HM13: variants seen among roughly 807,000 people sequenced by gnomAD.
HM13 encodes histocompatibility minor 13, also known as signal peptide peptidase.
A neutral mutation model predicts 50.0 loss-of-function variants in HM13; 18 were observed. The observed-to-expected ratio is 0.36, with a 90% CI of 0.25 to 0.53. The LOEUF (loss-of-function observed/expected upper bound fraction) is 0.53. Among genes scored for constraint, HM13 ranks in the 20% least tolerant of loss-of-function variants. The pLI, the probability that HM13 is intolerant of heterozygous loss-of-function variation, is 0.90. For synonymous variants in HM13, 197 were observed against 232.6 expected, an observed-to-expected ratio of 0.85 and a Z score of 1.39; for missense variants, 393 against 552.4, an observed-to-expected ratio of 0.71 and a Z score of 2.89.
At chr20:31,566,316 G>C (rs377066961) in intron 11 of HM13, 21 bp downstream of exon 11, 1 of 1,597,382 alleles carries the variant, frequency 6.3e-7, no homozygotes, top group Non-Finnish European at 8.6e-7. Flanking sequence ...GTGGGGGGCA[G>C]ATGTCCTCAT....
rs1352776991 is a variant in HM13, at chr20:31,556,116, C to T, written c.808+1287C>T. 2.7e-5 allele frequency among the ~76,000 whole-genome samples: 4 copies of T among 150,882 alleles called. No individual in the cohort carries two copies. The East Asian group carries it at 7.8e-4, about 29-fold the overall frequency. On this transcript the variant is annotated intron_variant, in intron 8 of 12. Coordinates refer to ENST00000398174, the MANE Select transcript of HM13 (RefSeq NM_178581.3). ...ACGCGATCTCGGCTCACTGCAACCT[C>T]TGCCTCCCTGGTTCAAGCGATTCTC... is the stretch of plus-strand genomic sequence containing the variant.
At chr20:31,544,760 C>G (rs1347849870) in intron 3 of HM13, among the ~76,000 whole-genome samples, 187 bp from the exon 4 acceptor site, 1 of 152,142 alleles carries the variant, frequency 6.6e-6, no homozygotes, top group Non-Finnish European at 1.5e-5. Flanking sequence ...ATATAGGACC[C>G]CTGTGTGACT....
chr20:31,566,830 T>C (rs1984945993), intron 11 of HM13, among the ~76,000 whole-genome samples: 1 of 151,786 alleles, frequency 6.6e-6, no homozygotes, highest in Non-Finnish European at 1.5e-5. Flanking sequence ...CCCAGGGCCA[T>C]ATCCACACCT....
Position 31,549,127 on chromosome 20 carries a change from G to T in HM13, c.540+13G>T. ...CCTGCTGAGGAAGGTGAGTAGTCAG[G>T]ACCTGGGCAGAAGGGGAGGATGGGG... On this transcript the variant is annotated intron_variant, in intron 5 of 12. Transcript: ENST00000398174. 5 of 1,613,910 alleles carry T rather than the reference G, an allele frequency of 3.1e-6. No homozygotes were observed. The highest frequency in any genetic ancestry group is 4.2e-6 in the Non-Finnish European group (5 of 1,179,798).
At chr20:31,523,236 A>C (rs996076985) in intron 1 of HM13, among the ~76,000 whole-genome samples, 1 of 150,872 alleles carries the variant, frequency 6.6e-6, no homozygotes, top group Non-Finnish European at 1.5e-5. Context: ...TTTTTAGTAG[A>C]GACGGGGTTT....
At chr20:31,561,562 C>T in intron 9 of HM13, 72 bp from the exon 10 acceptor site, 1 of 1,063,256 alleles carries the variant, frequency 9.4e-7, no homozygotes, top group Middle Eastern at 2.0e-4. Context: ...TCCCCAGCTC[C>T]CTCAGAAGGG....
At chr20:31,527,628 A>G in intron 2 of HM13, 46 bp downstream of exon 2, 1 of 1,313,292 alleles carries the variant, frequency 7.6e-7, no homozygotes, top group Non-Finnish European at 1.1e-6. Flanking sequence ...AAATGACTTT[A>G]TCTTATTTTG....
At chr20:31,568,501 T>C (rs1985064924) in intron 12 of HM13, among the ~76,000 whole-genome samples, 1 of 152,234 alleles carries the variant, frequency 6.6e-6, no homozygotes, top group South Asian at 2.1e-4. Flanking sequence ...CTGTTACCAT[T>C]CAAGGTATAT....
rs1337599897 is a variant in HM13, at chr20:31,514,474, C to G, written c.-78C>G. The G allele has an allele frequency of 3.4e-6, 5 of 1,484,566 alleles. No individual in the cohort carries two copies. Among genetic ancestry groups the G allele is most frequent in the Non-Finnish European group, 3.6e-6 (4 of 1,096,106 alleles). The allele number at this position is 1,484,566 out of a possible 1,614,324, so 92.0% of individuals were successfully genotyped here. A position where few individuals can be genotyped will look rare whatever the true frequency, so the allele number is the denominator to read the frequency against. Reference sequence around the variant, plus strand: ...GTTGCCTTAGGGGAACGTGGCTTTCCCTGCAGAGCCGGTGTCTCCGCCTGC... The same window carrying G: ...GTTGCCTTAGGGGAACGTGGCTTTCGCTGCAGAGCCGGTGTCTCCGCCTGC... On this transcript the variant is annotated 5_prime_UTR_variant, in exon 1 of 13. Transcript: ENST00000398174. The surrounding 1 kb of genome is among the most constrained non-coding windows in gnomAD (Gnocchi z 4.3).
intron 4 of HM13, chr20:31,547,232 C>G (rs553354639): frequency 5.3e-6 from 1 of 190,376 alleles, no homozygotes; most frequent in Non-Finnish European, 1.1e-5. Context: ...GCTTGTCAAG[C>G]CCTACTGTTT....
chr20:31,564,891 C>T (rs984115057), intron 10 of HM13, among the ~76,000 whole-genome samples: 1 of 150,892 alleles, frequency 6.6e-6, no homozygotes, highest in Non-Finnish European at 1.5e-5. Context: ...CTCGGCCAGG[C>T]GCGGTGTCTC....
intron 8 of HM13, among the ~76,000 whole-genome samples, chr20:31,559,207 TCA>T (rs1263470245): frequency 6.6e-6 from 1 of 152,204 alleles, no homozygotes; most frequent in East Asian, 1.9e-4. Context: ...AGTCACAATC[TCA>T]CAATGATTTC....
chr20:31,566,826 G>T (rs529868257), intron 11 of HM13, among the ~76,000 whole-genome samples: 1 of 151,864 alleles, frequency 6.6e-6, no homozygotes, highest in African/African-American at 2.4e-5. Flanking sequence ...CTTCCCCAGG[G>T]CCATATCCAC....
rs759309678 is a variant in HM13 at position 31,566,174 on chromosome 20, C to G, written c.949-36C>G. On this transcript the variant is annotated intron_variant, in intron 10 of 12. Coordinates refer to ENST00000398174, the MANE Select transcript of HM13 (RefSeq NM_178581.3). ...GGCACGGCCCTGAGGCAGTGCCGTGCCCAGCATGGCTTCACCAGCCTGTGT... is the reference window on the plus strand; with the variant it reads ...GGCACGGCCCTGAGGCAGTGCCGTGGCCAGCATGGCTTCACCAGCCTGTGT... 7.0e-6 allele frequency: 11 copies of G among 1,566,396 alleles called. No homozygotes were observed. In the East Asian group the frequency reaches 2.5e-4, roughly 35 times the overall value.
intron 2 of HM13, among the ~76,000 whole-genome samples, chr20:31,529,953 G>A (rs181748793): frequency 3.5e-4 from 53 of 151,832 alleles, no homozygotes; most frequent in Non-Finnish European, 5.3e-4. Flanking sequence ...GCGACACAGC[G>A]AGACTCTGTC....
chr20:31,548,895 C>A, intron 4 of HM13, 134 bp from the exon 5 acceptor site: 1 of 777,244 alleles, frequency 1.3e-6, no homozygotes, highest in Non-Finnish European at 2.2e-6. Context: ...TAATCTGGGG[C>A]AGCCAAGGCT....
In HM13 at chr20:31,559,915, G is replaced by A. The variant is rs1984516566; in HGVS notation, c.845+268G>A. 2.0e-5 allele frequency among the ~76,000 whole-genome samples: 3 copies of A among 152,218 alleles called. No homozygotes were observed. In the South Asian group the frequency reaches 6.2e-4, roughly 31 times the overall value. Reference sequence around the variant, plus strand: ...CAGTGCTTTCTCACTGTGTGACCTTGACAAGTGGCCTGACCTTCCTGAGCC... The same window carrying A: ...CAGTGCTTTCTCACTGTGTGACCTTAACAAGTGGCCTGACCTTCCTGAGCC... On this transcript the variant is annotated intron_variant, in intron 9 of 12. Transcript: ENST00000398174.
chr20:31,519,549 T>C, intron 1 of HM13, among the ~76,000 whole-genome samples: 1 of 152,190 alleles, frequency 6.6e-6, no homozygotes. Context: ...TTCTCTAGTA[T>C]CTGGTCCCTG....
intron 4 of HM13, among the ~76,000 whole-genome samples, chr20:31,547,216 T>C (rs886775160): frequency 7.2e-5 from 11 of 152,236 alleles, no homozygotes; most frequent in South Asian, 2.1e-4. Context: ...ATTCGTATCA[T>C]TTCTAGCTTG....
Sources: allele counts gnomAD v4.1 joint callset (sites outside exome capture counted in the v4.1 genomes callset), GRCh38; gene constraint gnomAD v4.1.1; non-coding constraint Gnocchi (gnomAD v3.1); transcripts MANE v1.5; gene names NCBI Gene and HGNC (gene_info 2026-07-23, HGNC 2026-07-21).